Variants in LRBA observed in about 807,000 individuals in gnomAD.
The protein encoded by LRBA is LPS responsive beige-like anchor protein.
Under a neutral mutation model 330.0 loss-of-function variants are expected in LRBA, and 176 were observed. The ratio of observed to expected loss-of-function variants is 0.53; its 90% CI spans 0.47 to 0.60. The LOEUF is 0.60. Ranked by LOEUF, LRBA falls within the 20% of genes least tolerant of loss-of-function variation. The pLI, the probability that LRBA is intolerant of heterozygous loss-of-function variation, is 0.00. For missense variants in LRBA, 3,259 were observed against 3,444.8 expected (o/e 0.95, Z 1.35); for synonymous variants, 1,230 against 1,193.0 (o/e 1.03, Z -0.64).
chr4:150,705,052 A>C (rs1348032634), intron 36 of LRBA, among the ~76,000 whole-genome samples: 1 of 152,212 alleles, frequency 6.6e-6, no homozygotes, highest in Non-Finnish European at 1.5e-5. Context: ...TACTACATGA[A>C]TAAAAATTTG....
intron 56 of LRBA, among the ~76,000 whole-genome samples, chr4:150,274,539 G>T (rs1022696543): frequency 2.6e-5 from 4 of 151,996 alleles, no homozygotes; most frequent in Non-Finnish European, 5.9e-5. Flanking sequence ...CAACAAAATA[G>T]ACCACTAGCC....
intron 2 of LRBA, among the ~76,000 whole-genome samples, chr4:151,011,709 A>G (rs2149676847): frequency 6.7e-6 from 1 of 149,590 alleles, no homozygotes; most frequent in East Asian, 2.0e-4. Flanking sequence ...TTTCGTTCTA[A>G]TTTTTTTTTT....
intron 37 of LRBA, among the ~76,000 whole-genome samples, chr4:150,640,696 G>A (rs1050474412): frequency 7.2e-5 from 11 of 151,996 alleles, no homozygotes; most frequent in African/African-American, 2.7e-4. Context: ...TTTATCTCTG[G>A]TCTAGTGTCT....
intron 35 of LRBA, among the ~76,000 whole-genome samples, chr4:150,751,624 T>G (rs571667187): frequency 6.6e-6 from 1 of 152,292 alleles, no homozygotes; most frequent in East Asian, 1.9e-4. Flanking sequence ...TTGGGTTTAC[T>G]GTAGATTAAA....
chr4:150,913,488 G>C (rs533455401), intron 9 of LRBA, among the ~76,000 whole-genome samples: 41 of 152,200 alleles, frequency 2.7e-4, no homozygotes, highest in South Asian at 1.9e-3. Context: ...AGAAGAAGAA[G>C]AACAATGCAC....
At chr4:150,447,354 G>A (rs1752741060) in intron 44 of LRBA, among the ~76,000 whole-genome samples, 1 of 152,154 alleles carries the variant, frequency 6.6e-6, no homozygotes, top group African/African-American at 2.4e-5. Flanking sequence ...CAATGTGGGT[G>A]GGCATCATCC....
intron 2 of LRBA, among the ~76,000 whole-genome samples, chr4:151,001,883 C>A (rs1204303541): frequency 2.0e-5 from 3 of 152,226 alleles, no homozygotes; most frequent in South Asian, 2.1e-4. Flanking sequence ...ACCACTGAGG[C>A]CTGAAAAGTG....
At chr4:150,972,119 T>C (rs1289879430) in intron 2 of LRBA, among the ~76,000 whole-genome samples, 1 of 152,156 alleles carries the variant, frequency 6.6e-6, no homozygotes, top group South Asian at 2.1e-4. Context: ...TGAAGTAATA[T>C]ATGTAAAACC....
intron 40 of LRBA, among the ~76,000 whole-genome samples, chr4:150,502,810 A>G (rs991928367): frequency 6.6e-6 from 1 of 152,194 alleles, no homozygotes; most frequent in Non-Finnish European, 1.5e-5. Flanking sequence ...TAGTCAAAGA[A>G]AGGGGTGACA....
At chr4:150,326,823 A>T (rs1194346552) in intron 48 of LRBA, among the ~76,000 whole-genome samples, 2 of 152,066 alleles carry the variant, frequency 1.3e-5, no homozygotes, top group South Asian at 4.1e-4. Context: ...CTACTTCGAC[A>T]CTCCCGTAAC....
chr4:150,402,064 G>A (rs1745549279), intron 47 of LRBA, among the ~76,000 whole-genome samples: 1 of 150,956 alleles, frequency 6.6e-6, no homozygotes, highest in Non-Finnish European at 1.5e-5. Flanking sequence ...GCCGAGACGG[G>A]CAAATCATAA....
chr4:150,988,383 TA>T (rs2149620314), intron 2 of LRBA, among the ~76,000 whole-genome samples: 1 of 152,248 alleles, frequency 6.6e-6, no homozygotes, highest in South Asian at 2.1e-4. Context: ...TTTGTAACCT[TA>T]ATTAAAGTAT....
At chr4:150,822,641 C>T (rs1285070806) in intron 30 of LRBA, among the ~76,000 whole-genome samples, 1 of 152,056 alleles carries the variant, frequency 6.6e-6, no homozygotes, top group Non-Finnish European at 1.5e-5. Context: ...TTGGTCCCAG[C>T]TACTCAGGGG....
chr4:150,885,429 T>G (rs920878689), intron 17 of LRBA, among the ~76,000 whole-genome samples: 1 of 152,064 alleles, frequency 6.6e-6, no homozygotes, highest in Admixed American at 6.6e-5. Flanking sequence ...GAGACCAGCC[T>G]GACCCACACA....
intron 52 of LRBA, among the ~76,000 whole-genome samples, chr4:150,308,977 G>C (rs2126873989): frequency 6.6e-6 from 1 of 152,232 alleles, no homozygotes; most frequent in African/African-American, 2.4e-5. Flanking sequence ...GTCTACAGTA[G>C]TGTACAGTCA....
intron 42 of LRBA, among the ~76,000 whole-genome samples, chr4:150,480,010 A>G (rs1479277569): frequency 2.6e-5 from 4 of 152,236 alleles, no homozygotes; most frequent in African/African-American, 7.2e-5. Flanking sequence ...AAGTAGCTCA[A>G]TTCAATACCA....
At chr4:150,980,295 C>G (rs1036240789) in intron 2 of LRBA, among the ~76,000 whole-genome samples, 4 of 151,830 alleles carry the variant, frequency 2.6e-5, no homozygotes, top group Admixed American at 2.0e-4. Flanking sequence ...CAAAAAAAAC[C>G]CTCAAAAAAC....
At chr4:150,936,439 A>T (rs1735086673) in intron 2 of LRBA, among the ~76,000 whole-genome samples, 1 of 152,060 alleles carries the variant, frequency 6.6e-6, no homozygotes, top group Admixed American at 6.5e-5. Flanking sequence ...AAGATAATTT[A>T]AAAGAATCCA....
chr4:151,011,128 A>G (rs1744792425), intron 2 of LRBA, among the ~76,000 whole-genome samples: 1 of 151,848 alleles, frequency 6.6e-6, no homozygotes, highest in Non-Finnish European at 1.5e-5. Flanking sequence ...CGGAGCTTGC[A>G]GTGAGCTGAG....
Sources: gnomAD v4.1 joint callset for allele counts (sites outside exome capture counted in the v4.1 genomes callset) on GRCh38, gnomAD v4.1.1 for gene constraint, MANE v1.5 for transcripts, NCBI Gene and HGNC (gene_info 2026-07-23, HGNC 2026-07-21) for gene names.